Variants in PPFIA2 observed in about 807,000 individuals in gnomAD.
The protein encoded by PPFIA2 is PPFI scaffold protein A2.
In PPFIA2, 46 loss-of-function variants were observed where a neutral mutation model predicts 175.5. The ratio of observed to expected loss-of-function variants is 0.26; its 90% CI spans 0.21 to 0.34. PPFIA2 has a LOEUF of 0.34. Ranked by LOEUF, PPFIA2 falls within the 10% of genes least tolerant of loss-of-function variation. PPFIA2 has a pLI of 1.00. For missense variants in PPFIA2, 1,179 were observed against 1,506.1 expected (o/e 0.78, Z 3.60); for synonymous variants, 568 against 511.4 (o/e 1.11, Z -1.49).
chr12:81,555,115 G>A (rs2068623779), intron 4 of PPFIA2, among the ~76,000 whole-genome samples: 1 of 151,956 alleles, frequency 6.6e-6, no homozygotes, highest in South Asian at 2.1e-4. Context: ...TATATTTTAT[G>A]TCTGCCTTCA....
At chr12:81,361,689 T>C (rs1478543251) in intron 15 of PPFIA2, among the ~76,000 whole-genome samples, 1 of 151,638 alleles carries the variant, frequency 6.6e-6, no homozygotes, top group Non-Finnish European at 1.5e-5. Context: ...CTTGAGAGCA[T>C]ACTATATGCA....
intron 17 of PPFIA2, among the ~76,000 whole-genome samples, chr12:81,352,490 T>C (rs1194261051): frequency 6.6e-6 from 1 of 151,782 alleles, no homozygotes; most frequent in Non-Finnish European, 1.5e-5. Flanking sequence ...TCACTTTCCC[T>C]TTCCCTGGAG....
At chr12:81,537,026 T>C (rs2065502599) in intron 4 of PPFIA2, among the ~76,000 whole-genome samples, 1 of 151,430 alleles carries the variant, frequency 6.6e-6, no homozygotes, top group Non-Finnish European at 1.5e-5. Flanking sequence ...ATATACTCTT[T>C]ATAGAATACA....
intron 4 of PPFIA2, among the ~76,000 whole-genome samples, chr12:81,565,489 C>T (rs181959342): frequency 6.2e-4 from 94 of 152,282 alleles, no homozygotes; most frequent in East Asian, 5.8e-3. Flanking sequence ...TCCTGTCTAT[C>T]TATCTACCTA....
At chr12:81,393,052 T>TTG (rs2040444751) in intron 8 of PPFIA2, among the ~76,000 whole-genome samples, 1 of 152,084 alleles carries the variant, frequency 6.6e-6, no homozygotes, top group Non-Finnish European at 1.5e-5. Context: ...TTTTCTAACC[T>TTG]TGTTTCTTAT....
intron 8 of PPFIA2, among the ~76,000 whole-genome samples, chr12:81,388,452 A>G (rs2039436395): frequency 6.6e-6 from 1 of 152,036 alleles, no homozygotes; most frequent in African/African-American, 2.4e-5. Flanking sequence ...ATCCTAATCT[A>G]TCATGGCAGG....
chr12:81,743,523 A>G (rs11114996), intron 3 of PPFIA2, among the ~76,000 whole-genome samples: 1 of 143,020 alleles, frequency 7.0e-6, no homozygotes, highest in Non-Finnish European at 1.5e-5. Flanking sequence ...AGCTTTTTTT[A>G]AAAAAAAAAG....
intron 6 of PPFIA2, among the ~76,000 whole-genome samples, chr12:81,444,456 TTAAA>T (rs1476927470): frequency 1.3e-5 from 2 of 152,160 alleles, no homozygotes; most frequent in Non-Finnish European, 2.9e-5. Context: ...ATATTGAATA[TTAAA>T]TAATTATTTG....
chr12:81,412,280 G>A (rs1592586944), intron 7 of PPFIA2, among the ~76,000 whole-genome samples: 1 of 148,642 alleles, frequency 6.7e-6, no homozygotes, highest in Admixed American at 6.7e-5. Flanking sequence ...CAAAATACTG[G>A]GAAAAATGCA....
At chr12:81,661,887 T>G (rs2068953126) in intron 4 of PPFIA2, among the ~76,000 whole-genome samples, 1 of 152,150 alleles carries the variant, frequency 6.6e-6, no homozygotes, top group African/African-American at 2.4e-5. Context: ...AATTCAGGAT[T>G]AAGAAACTCA....
intron 22 of PPFIA2, among the ~76,000 whole-genome samples, chr12:81,310,435 G>A (rs922292564): frequency 8.6e-5 from 13 of 152,038 alleles, no homozygotes; most frequent in Non-Finnish European, 1.9e-4. Context: ...ATAAGAAACC[G>A]AATTGTAGAA....
chr12:81,521,940 C>T (rs1449691688), intron 4 of PPFIA2, among the ~76,000 whole-genome samples: 2 of 151,928 alleles, frequency 1.3e-5, no homozygotes, highest in East Asian at 3.9e-4. Context: ...TAGATTGTTA[C>T]ATAAAGGATT....
At chr12:81,634,200 G>T (rs1027296190) in intron 4 of PPFIA2, among the ~76,000 whole-genome samples, 3 of 152,028 alleles carry the variant, frequency 2.0e-5, no homozygotes, top group African/African-American at 7.2e-5. Context: ...TAGTTTGAAG[G>T]TTGGCATCTT....
At chr12:81,424,681 A>G (rs142933007) in intron 7 of PPFIA2, among the ~76,000 whole-genome samples, 30 of 152,266 alleles carry the variant, frequency 2.0e-4, no homozygotes, top group African/African-American at 7.0e-4. Context: ...TGTGAGACCA[A>G]GTTTTCTTCA....
chr12:81,325,966 G>A, intron 21 of PPFIA2, 96 bp from the exon 22 acceptor site: 1 of 827,606 alleles, frequency 1.2e-6, no homozygotes, highest in Non-Finnish European at 2.0e-6. Flanking sequence ...CAACTGTTTA[G>A]TATCACATTT....
chr12:81,709,884 T>C (rs2077670639), intron 3 of PPFIA2, among the ~76,000 whole-genome samples: 1 of 152,082 alleles, frequency 6.6e-6, no homozygotes, highest in Admixed American at 6.5e-5. Context: ...AGAATATACA[T>C]ATTTTAAATT....
chr12:81,710,994 A>T (rs578061140), intron 3 of PPFIA2, among the ~76,000 whole-genome samples: 1 of 151,438 alleles, frequency 6.6e-6, no homozygotes, highest in East Asian at 2.0e-4. Flanking sequence ...GCTCTTTGGG[A>T]GGCCGAGAAG....
At chr12:81,564,018 C>T (rs2070768553) in intron 4 of PPFIA2, among the ~76,000 whole-genome samples, 1 of 152,060 alleles carries the variant, frequency 6.6e-6, no homozygotes. Context: ...AAGTATTCAA[C>T]ATAAATCTTT....
rs78688781 is a variant in PPFIA2 at position 81,464,121 on chromosome 12, T to C, written c.304-6255A>G. 1.7e-3 allele frequency among the ~76,000 whole-genome samples: 255 copies of C among 152,282 alleles called. 7 individuals carry two copies. The East Asian group carries it at 0.046, about 28-fold the overall frequency. On this transcript the variant is annotated intron_variant, in intron 4 of 32. Coordinates refer to ENST00000549396, the MANE Select transcript of PPFIA2 (RefSeq NM_003625.5). ...AAAAAAGGACAGGGGTCTTGCTATG[T>C]TGTCCAGCTTATCTCAAACTCCTGG...
Sources: allele counts gnomAD v4.1 joint callset (sites outside exome capture counted in the v4.1 genomes callset), GRCh38; gene constraint gnomAD v4.1.1; transcripts MANE v1.5; gene names NCBI Gene and HGNC (gene_info 2026-07-23, HGNC 2026-07-21).